Variants in PABPC4L observed in about 807,000 individuals in gnomAD.
PABPC4L encodes the protein polyadenylate-binding protein 4-like.
For missense variants in PABPC4L, 452 were observed against 451.4 expected (o/e 1.00, Z -0.01); for synonymous variants, 169 against 164.1 (o/e 1.03, Z -0.23).
the PABPC4L span, among the ~76,000 whole-genome samples, chr4:133,969,706 C>T: frequency 6.6e-6 from 1 of 152,128 alleles, no homozygotes; most frequent in African/African-American, 2.4e-5. Context: ...GTGTTGTTCC[C>T]ATATGAAGAA....
the PABPC4L span, among the ~76,000 whole-genome samples, chr4:133,991,607 G>A: frequency 6.6e-6 from 1 of 152,138 alleles, no homozygotes; most frequent in African/African-American, 2.4e-5. Flanking sequence ...AGTAAAAGAG[G>A]CCACAGCAAC....
chr4:133,975,485 G>GTGA, the PABPC4L span, among the ~76,000 whole-genome samples: 3 of 152,010 alleles, frequency 2.0e-5, no homozygotes, highest in Non-Finnish European at 4.4e-5. Flanking sequence ...TTTATATTAC[G>GTGA]TGAATTATAT....
chr4:134,152,522 C>T, the PABPC4L span, among the ~76,000 whole-genome samples: 1 of 152,080 alleles, frequency 6.6e-6, no homozygotes, highest in East Asian at 1.9e-4. Context: ...GATATATCCT[C>T]CGAAACCTAG....
chr4:133,959,361 T>C, the PABPC4L span, among the ~76,000 whole-genome samples: 3 of 152,130 alleles, frequency 2.0e-5, no homozygotes, highest in Admixed American at 6.5e-5. Flanking sequence ...AGATAAATAC[T>C]ATGAGAAGGC....
chr4:133,985,167 A>C, the PABPC4L span, among the ~76,000 whole-genome samples: 2 of 152,114 alleles, frequency 1.3e-5, no homozygotes, highest in Admixed American at 6.5e-5. Context: ...ACAATTTTGC[A>C]TATATGTCTG....
chr4:134,155,412 T>TCACACACACA, the PABPC4L span, among the ~76,000 whole-genome samples: 6,263 of 147,000 alleles, frequency 0.043, 327 homozygotes, highest in African/African-American at 0.13. Context: ...CTCTCCCAGT[T>TCACACACACA]CACACACACA....
chr4:134,141,751 G>A, the PABPC4L span, among the ~76,000 whole-genome samples: 1 of 151,584 alleles, frequency 6.6e-6, no homozygotes. Flanking sequence ...CCACTGGGGT[G>A]ATGGAGAGAT....
At chr4:134,012,621 A>T in the PABPC4L span, among the ~76,000 whole-genome samples, 14 of 152,276 alleles carry the variant, frequency 9.2e-5, no homozygotes, top group African/African-American at 3.4e-4. Context: ...ACATGCATGA[A>T]ATTTGGTGCT....
At chr4:134,016,133 C>T in the PABPC4L span, among the ~76,000 whole-genome samples, 1 of 152,114 alleles carries the variant, frequency 6.6e-6, no homozygotes, top group Admixed American at 6.6e-5. Flanking sequence ...GGCCTAATCG[C>T]CACTCACCAG....
At chr4:134,065,923 G>A in the PABPC4L span, among the ~76,000 whole-genome samples, 1 of 151,998 alleles carries the variant, frequency 6.6e-6, no homozygotes, top group African/African-American at 2.4e-5. Flanking sequence ...GATGGTTATA[G>A]GTGTGCAGCA....
chr4:134,053,314 C>T, the PABPC4L span, among the ~76,000 whole-genome samples: 7 of 152,072 alleles, frequency 4.6e-5, no homozygotes, highest in East Asian at 1.9e-4. Context: ...TGTTGCTAAG[C>T]GCTGCTGAAT....
chr4:133,961,748 G>A, the PABPC4L span, among the ~76,000 whole-genome samples: 3 of 152,102 alleles, frequency 2.0e-5, no homozygotes, highest in South Asian at 2.1e-4. Context: ...TCCCAGACCC[G>A]CCGTTGACTT....
At chr4:134,047,657 T>G in the PABPC4L span, among the ~76,000 whole-genome samples, 1 of 152,034 alleles carries the variant, frequency 6.6e-6, no homozygotes, top group Non-Finnish European at 1.5e-5. Context: ...ATCTCAAACA[T>G]AGCCCTGGGT....
chr4:134,089,297 T>C, the PABPC4L span, among the ~76,000 whole-genome samples: 1 of 152,142 alleles, frequency 6.6e-6, no homozygotes, highest in Non-Finnish European at 1.5e-5. Flanking sequence ...GAAGTTACAA[T>C]TTCCCATAGA....
At chr4:134,031,758 A>G in the PABPC4L span, among the ~76,000 whole-genome samples, 1 of 151,964 alleles carries the variant, frequency 6.6e-6, no homozygotes, top group African/African-American at 2.4e-5. Flanking sequence ...ATGGGGATAT[A>G]TAACAATAAT....
the PABPC4L span, among the ~76,000 whole-genome samples, chr4:134,009,252 C>T: frequency 6.6e-6 from 1 of 151,868 alleles, no homozygotes; most frequent in African/African-American, 2.4e-5. Context: ...TTTTAAAACA[C>T]CCAAAAGAAT....
At chr4:133,961,073 G>A in the PABPC4L span, among the ~76,000 whole-genome samples, 2 of 152,052 alleles carry the variant, frequency 1.3e-5, no homozygotes, top group East Asian at 3.9e-4. Context: ...GATGCTCTCT[G>A]GAAAGCACCA....
chr4:134,127,841 T>G, the PABPC4L span, among the ~76,000 whole-genome samples: 1 of 152,276 alleles, frequency 6.6e-6, no homozygotes, highest in South Asian at 2.1e-4. Context: ...GAAGGTCTAT[T>G]ATTAAGCTAA....
At chr4:133,967,411 A>G in the PABPC4L span, among the ~76,000 whole-genome samples, 1 of 152,214 alleles carries the variant, frequency 6.6e-6, no homozygotes, top group Non-Finnish European at 1.5e-5. Context: ...GGAACTCAAA[A>G]AAGTGGTCTA....
Sources: allele counts gnomAD v4.1 joint callset (sites outside exome capture counted in the v4.1 genomes callset), GRCh38; gene constraint gnomAD v4.1.1; transcripts MANE v1.5; gene names NCBI Gene and HGNC (gene_info 2026-07-23, HGNC 2026-07-21).